STK39: variants seen among roughly 807,000 people sequenced by gnomAD.
STK39 encodes the protein STE20/SPS1-related proline-alanine-rich protein kinase.
Under a neutral mutation model 77.8 loss-of-function variants are expected in STK39, and 20 were observed. The observed-to-expected ratio is 0.26, with a 90% CI of 0.18 to 0.37. STK39 has a LOEUF of 0.37. Ranked by LOEUF, STK39 falls within the 10% of genes least tolerant of loss-of-function variation. The pLI is 1.00. For synonymous variants in STK39, 246 were observed against 234.1 expected (o/e 1.05, Z -0.47); for missense variants, 479 against 656.5 (o/e 0.73, Z 2.95).
chr2:168,005,360 C>T (rs1684105061), intron 16 of STK39, among the ~76,000 whole-genome samples: 1 of 150,588 alleles, frequency 6.6e-6, no homozygotes, highest in Non-Finnish European at 1.5e-5. Flanking sequence ...ACTCAAAAGT[C>T]ATGTGACAAT....
At chr2:168,156,792 G>C (rs1165178188) in intron 5 of STK39, among the ~76,000 whole-genome samples, 1 of 152,210 alleles carries the variant, frequency 6.6e-6, no homozygotes, top group Non-Finnish European at 1.5e-5. Flanking sequence ...CTGGGCCAAG[G>C]TGCTCATAAA....
At position 168,219,244 on chromosome 2, in the gene STK39, C is replaced by A. The variant is rs955592314; in HGVS notation, c.208+27984G>T. ...GAGGTTGCAGTGAGCCAAGATTGAG[C>A]CACTGCACTCCAGCCTGGGTGACAG... On this transcript the variant is annotated intron_variant, in intron 1 of 17. Coordinates refer to ENST00000355999, the MANE Select transcript of STK39 (RefSeq NM_013233.3). 3.3e-5 allele frequency among the ~76,000 whole-genome samples: 5 copies of A among 151,840 alleles called. No individual in the cohort carries two copies. The East Asian group carries it at 9.7e-4, about 29-fold the overall frequency.
At chr2:168,123,801 G>A (rs961445573) in intron 10 of STK39, among the ~76,000 whole-genome samples, 14 of 151,374 alleles carry the variant, frequency 9.2e-5, no homozygotes, top group Admixed American at 2.0e-4. Context: ...CCTGGGAAGC[G>A]GAGGTTGCAG....
chr2:167,984,883 G>A (rs1683517873), intron 16 of STK39, among the ~76,000 whole-genome samples: 2 of 152,014 alleles, frequency 1.3e-5, no homozygotes, highest in South Asian at 4.2e-4. Context: ...CAAATGAAAA[G>A]CTTTATGCAC....
At chr2:168,184,647 C>T (rs1559137382) in intron 1 of STK39, among the ~76,000 whole-genome samples, 1 of 151,868 alleles carries the variant, frequency 6.6e-6, no homozygotes, top group African/African-American at 2.4e-5. Context: ...CCTTATCTAC[C>T]ATTCTGTGCA....
chr2:168,092,246 C>T (rs1395462544), intron 10 of STK39, among the ~76,000 whole-genome samples: 1 of 152,136 alleles, frequency 6.6e-6, no homozygotes, highest in Non-Finnish European at 1.5e-5. Flanking sequence ...ATCATCAGGA[C>T]AATTCTCAGT....
At chr2:167,956,741 C>CA (rs1691796263) in intron 17 of STK39, among the ~76,000 whole-genome samples, 1 of 134,840 alleles carries the variant, frequency 7.4e-6, no homozygotes, top group Non-Finnish European at 1.6e-5. Flanking sequence ...CCCCCCGCCC[C>CA]CTCAGATCCA....
At chr2:168,090,320 A>C (rs1039442631) in intron 10 of STK39, among the ~76,000 whole-genome samples, 35 of 151,308 alleles carry the variant, frequency 2.3e-4, no homozygotes, top group African/African-American at 7.7e-4. Flanking sequence ...AATGAATAAC[A>C]ATTTTCTGCT....
intron 14 of STK39, among the ~76,000 whole-genome samples, chr2:168,021,040 T>C (rs79820579): frequency 0.066 from 9,979 of 152,230 alleles, 1,119 homozygotes; most frequent in African/African-American, 0.23. Flanking sequence ...AGCAAGTATT[T>C]ATAATGTGTT....
At chr2:168,163,161 C>G (rs1373169600) in intron 4 of STK39, among the ~76,000 whole-genome samples, 1 of 152,198 alleles carries the variant, frequency 6.6e-6, no homozygotes, top group African/African-American at 2.4e-5. Flanking sequence ...GTAGCACTCA[C>G]TCACTTGAAA....
intron 1 of STK39, among the ~76,000 whole-genome samples, chr2:168,198,014 G>A (rs1329263679): frequency 6.7e-6 from 1 of 149,450 alleles, no homozygotes; most frequent in Non-Finnish European, 1.5e-5. Context: ...CTCCAGCCTG[G>A]GCAAAAAGAA....
Position 168,117,563 on chromosome 2 carries a change from A to G in STK39, c.1089+11978T>C, listed in dbSNP as rs145849731. Among the ~76,000 whole-genome samples the G allele has an allele frequency of 1.1e-4, 17 of 152,318 alleles. 1 individual carries two copies. In the East Asian group the frequency reaches 3.3e-3, roughly 29 times the overall value. On this transcript the variant is annotated intron_variant, in intron 10 of 17. Coordinates refer to ENST00000355999, the MANE Select transcript of STK39 (RefSeq NM_013233.3). ...TTAAGCTCAAGGTAAGGAGTAGTAC[A>G]GAGAACAGACTGATGAACCTCCTGG...
At chr2:168,113,492 A>C (rs1687173832) in intron 10 of STK39, among the ~76,000 whole-genome samples, 1 of 152,232 alleles carries the variant, frequency 6.6e-6, no homozygotes, top group Non-Finnish European at 1.5e-5. Context: ...AGAGTGAAAA[A>C]AGAGAATTAT....
rs746090284 is a variant in STK39 at position 168,075,142 on chromosome 2, G to A, written c.1179C>T (p.Ser393=). 13 of 1,613,868 alleles carry A rather than the reference G, an allele frequency of 8.1e-6. No individual in the cohort carries two copies. Among genetic ancestry groups the A allele is most frequent in the East Asian group, 2.2e-5 (1 of 44,894 alleles). The change falls in exon 11 of 18, where the codon AGC becomes AGT. Residue 393 remains serine, a synonymous_variant. Transcript: ENST00000355999. ...GAGAAAAAGCTGCTTTCCCTTCTTC[G>A]CTCTTCTCATCCATCTCGTCGTCAC... ...EWSDDEMDEK[S]EEGKAAFSQE... is the part of the protein sequence containing the mutation.
At position 168,102,906 on chromosome 2, in the gene STK39, G is replaced by A. The variant is rs185952044; in HGVS notation, c.1089+26635C>T. On this transcript the variant is annotated intron_variant, in intron 10 of 17. Transcript: ENST00000355999. Reference sequence around the variant, plus strand: ...GATTGCACCACTGCACTCCAGCCTGGGCGACAGAGCGAGAATCCGTCTCAA... The same window carrying A: ...GATTGCACCACTGCACTCCAGCCTGAGCGACAGAGCGAGAATCCGTCTCAA... 1.3e-3 allele frequency among the ~76,000 whole-genome samples: 184 copies of A among 145,536 alleles called. 1 individual carries two copies. The highest frequency in any genetic ancestry group is 0.01 in the Admixed American group (149 of 14,480).
rs1217035897 is a variant in STK39 at position 168,088,845 on chromosome 2, C to A, written c.1090-13614G>T. 2.0e-5 allele frequency among the ~76,000 whole-genome samples: 3 copies of A among 152,084 alleles called. No individual in the cohort carries two copies. In the East Asian group the frequency reaches 5.8e-4, roughly 29 times the overall value. ...ACTTCAAGGAGGCCCAATAAATAAC[C>A]CTCTCTCCTCCTATCACTAAACTAA... On this transcript the variant is annotated intron_variant, in intron 10 of 17. Transcript: ENST00000355999.
intron 16 of STK39, among the ~76,000 whole-genome samples, chr2:168,004,775 T>C (rs1684085344): frequency 6.6e-6 from 1 of 150,910 alleles, no homozygotes; most frequent in Admixed American, 6.6e-5. Context: ...ATAAAGTGAC[T>C]ATGAAATTCC....
At chr2:168,083,099 T>C (rs1686279530) in intron 10 of STK39, among the ~76,000 whole-genome samples, 1 of 152,236 alleles carries the variant, frequency 6.6e-6, no homozygotes, top group African/African-American at 2.4e-5. Context: ...TATTTGTTTA[T>C]ATATTTTCTA....
In STK39 at chr2:167,954,113, TA is replaced by T; in HGVS notation, c.*1382del. 1 of 152,772 alleles carries T rather than the reference TA, an allele frequency of 6.5e-6. No individual in the cohort carries two copies. Among genetic ancestry groups the T allele is most frequent in the East Asian group, 1.9e-4 (1 of 5,184 alleles). The allele number at this position is 152,772 out of a possible 1,614,324, so 9.5% of individuals were successfully genotyped here. A position where few individuals can be genotyped will look rare whatever the true frequency, so the allele number is the denominator to read the frequency against. On this transcript the variant is annotated 3_prime_UTR_variant, in exon 18 of 18. Coordinates refer to ENST00000355999, the MANE Select transcript of STK39 (RefSeq NM_013233.3). ...ACAATAGAATGGAATGAAATTACAT[TA>T]AATTGTATGCAAATGGCTCTAGAAC...
Sources: gnomAD v4.1 joint callset for allele counts (sites outside exome capture counted in the v4.1 genomes callset) on GRCh38, gnomAD v4.1.1 for gene constraint, MANE v1.5 for transcripts, NCBI Gene and HGNC (gene_info 2026-07-23, HGNC 2026-07-21) for gene names.